Variants in NRG2 observed in about 807,000 individuals in gnomAD.
NRG2 encodes neuregulin 2, also known as pro-neuregulin-2, membrane-bound isoform.
Under a neutral mutation model 73.9 loss-of-function variants are expected in NRG2, and 27 were observed. The observed-to-expected ratio is 0.37, with a 90% CI of 0.27 to 0.50. The LOEUF (loss-of-function observed/expected upper bound fraction) is 0.50, where lower values mean the gene tolerates loss of function less well. Ranked by LOEUF, NRG2 falls within the 20% of genes least tolerant of loss-of-function variation. NRG2 has a pLI of 0.96. For synonymous variants in NRG2, 532 were observed against 541.0 expected, an observed-to-expected ratio of 0.98 and a Z score of 0.23; for missense variants, 1,126 against 1,210.1, an observed-to-expected ratio of 0.93 and a Z score of 1.03.
Position 139,875,881 on chromosome 5 carries a change from T to C in NRG2, c.992-4040A>G, listed in dbSNP as rs145522735. On this transcript the variant is annotated intron_variant, in intron 3 of 9. Coordinates refer to ENST00000361474, the MANE Select transcript of NRG2 (RefSeq NM_004883.3). ...GTGGAGAAATTGGAAGCCGTATGCA[T>C]TGCTGGTGGGAATGTAAAATAGTGT... Among the ~76,000 whole-genome samples, 11 of 152,296 alleles carry C rather than the reference T, an allele frequency of 7.2e-5. No individual in the cohort carries two copies. The East Asian group carries it at 2.1e-3, about 29-fold the overall frequency.
chr5:139,852,397 G>A lies in NRG2; in HGVS notation c.1544+35C>T, dbSNP rs1737873969. The A allele has an allele frequency of 3.1e-6, 5 of 1,606,086 alleles. No homozygotes were observed. The East Asian group carries it at 1.1e-4, about 36-fold the overall frequency. ...ACTTTGCGCCAGATGAAGTATGTGA[G>A]TCTACAAGTTTCCATGGGCCTTGGT... On this transcript the variant is annotated intron_variant, in intron 8 of 9. Transcript: ENST00000361474. This position sits in a 1 kb window ranked among gnomAD's most constrained non-coding sequence, Gnocchi z 4.4.
intron 4 of NRG2, 141 bp downstream of exon 4, chr5:139,871,580 G>T (rs1762851058): frequency 9.3e-7 from 1 of 1,072,318 alleles, no homozygotes; most frequent in Non-Finnish European, 1.4e-6. Context: ...GGGCTAGGAA[G>T]TAGGGCAAAG....
chr5:139,958,317 G>C (rs1029072517), intron 1 of NRG2, among the ~76,000 whole-genome samples: 2 of 152,078 alleles, frequency 1.3e-5, no homozygotes, highest in Admixed American at 6.5e-5. Flanking sequence ...GTGGGAGCTA[G>C]GGCCAGCAAA....
chr5:139,981,196 C>T (rs1277342770), intron 1 of NRG2, among the ~76,000 whole-genome samples: 2 of 152,216 alleles, frequency 1.3e-5, no homozygotes, highest in African/African-American at 2.4e-5. Flanking sequence ...CGATTGCTCA[C>T]ACCCAGCACC....
chr5:140,038,798 G>A (rs988671344), intron 1 of NRG2, among the ~76,000 whole-genome samples: 6 of 152,186 alleles, frequency 3.9e-5, no homozygotes, highest in African/African-American at 1.4e-4. Context: ...TGACATTAGG[G>A]TGGTAATTCA....
At chr5:140,036,165 G>A (rs544036893) in intron 1 of NRG2, among the ~76,000 whole-genome samples, 81 of 152,320 alleles carry the variant, frequency 5.3e-4, no homozygotes, top group African/African-American at 1.9e-3. Flanking sequence ...TACAAAGTGG[G>A]AAGGGAATGT....
chr5:140,009,538 T>A (rs1759186120), intron 1 of NRG2, among the ~76,000 whole-genome samples: 1 of 152,212 alleles, frequency 6.6e-6, no homozygotes, highest in Non-Finnish European at 1.5e-5. Flanking sequence ...TTGCTCGATC[T>A]TACGGTAAGA....
Position 139,856,067 on chromosome 5 carries a change from G to A in NRG2, c.1190-289C>T. 1 of 435,392 alleles carries A rather than the reference G, an allele frequency of 2.3e-6. No individual in the cohort carries two copies. The highest frequency in any genetic ancestry group is 4.2e-6 in the Non-Finnish European group (1 of 236,444). 27.0% of individuals were successfully genotyped at this position (435,392 alleles called of 1,614,324 possible). ...CAGAGCACATGAGTGGAAAATGCAG[G>A]GGAATGGGAAGGGATGGAGTGGAGG... On this transcript the variant is annotated intron_variant, in intron 5 of 9. Transcript: ENST00000361474. The surrounding 1 kb of genome is among the most constrained non-coding windows in gnomAD (Gnocchi z 4.2).
intron 1 of NRG2, among the ~76,000 whole-genome samples, chr5:139,944,661 G>T (rs1753670529): frequency 6.6e-6 from 1 of 151,998 alleles, no homozygotes; most frequent in African/African-American, 2.4e-5. Context: ...CTCATCTATT[G>T]CTCGACCCCT....
At chr5:139,958,227 G>T (rs1338779193) in intron 1 of NRG2, among the ~76,000 whole-genome samples, 1 of 152,108 alleles carries the variant, frequency 6.6e-6, no homozygotes, top group Non-Finnish European at 1.5e-5. Flanking sequence ...TCAAGCAGAA[G>T]ATGTGTTCAC....
In NRG2 at chr5:139,852,709, T is replaced by C; in HGVS notation, c.1417-150A>G. The C allele has an allele frequency of 7.1e-7, 1 of 1,417,626 alleles. No individual in the cohort carries two copies. The allele number at this position is 1,417,626 out of a possible 1,614,324, so 87.8% of individuals were successfully genotyped here. A position where few individuals can be genotyped will look rare whatever the true frequency, so the allele number is the denominator to read the frequency against. ...GACTTGATGTTGGGGCAGCGATGGC[T>C]CCAGCAAATCAACCCCCACCCCTTC... On this transcript the variant is annotated intron_variant, in intron 7 of 9. Coordinates refer to ENST00000361474, the MANE Select transcript of NRG2 (RefSeq NM_004883.3). This position sits in a 1 kb window ranked among gnomAD's most constrained non-coding sequence, Gnocchi z 4.4.
chr5:140,013,521 T>C (rs1759532734), intron 1 of NRG2, among the ~76,000 whole-genome samples: 1 of 152,138 alleles, frequency 6.6e-6, no homozygotes, highest in African/African-American at 2.4e-5. Context: ...GTTAAAATGG[T>C]AAACTTTATA....
intron 1 of NRG2, among the ~76,000 whole-genome samples, chr5:139,891,999 C>T (rs1412073352): frequency 2.6e-5 from 4 of 152,212 alleles, no homozygotes; most frequent in African/African-American, 7.2e-5. Flanking sequence ...AACGGTTCCT[C>T]GGAATCATCT....
Position 139,880,884 on chromosome 5 carries a change from G to C in NRG2, c.963C>G (p.Thr321=). The change falls in exon 3 of 10, where the codon ACC becomes ACG. Residue 321 remains threonine, a synonymous_variant. Transcript: ENST00000361474. ...TGTTGACGTAAAGCCGGCCCCGGAC[G>C]GTGTCCTTCCCCAGGATGTTCTCGG... is the stretch of plus-strand genomic sequence containing the variant. ...CEAENILGKD[T]VRGRLYVNSV... is the part of the protein sequence containing the mutation. The C allele has an allele frequency of 1.2e-6, 2 of 1,614,078 alleles. No homozygotes were observed. The highest frequency in any genetic ancestry group is 1.3e-5 in the African/African-American group (1 of 75,034).
intron 1 of NRG2, among the ~76,000 whole-genome samples, chr5:139,920,959 G>A (rs1751615435): frequency 1.3e-5 from 2 of 152,170 alleles, no homozygotes; most frequent in Non-Finnish European, 2.9e-5. Context: ...TATTAGCAAT[G>A]AGTGAGTGAA....
chr5:139,875,792 G>A (rs149687565), intron 3 of NRG2, among the ~76,000 whole-genome samples: 9 of 152,290 alleles, frequency 5.9e-5, no homozygotes, highest in African/African-American at 1.9e-4. Flanking sequence ...CACACTCTGA[G>A]ATACCACTTT....
intron 1 of NRG2, among the ~76,000 whole-genome samples, chr5:140,012,013 C>G (rs1759405407): frequency 6.6e-6 from 1 of 152,172 alleles, no homozygotes; most frequent in South Asian, 2.1e-4. Context: ...TGATCCAATT[C>G]AGCTCACCTT....
intron 1 of NRG2, among the ~76,000 whole-genome samples, chr5:139,908,933 G>T (rs1765421259): frequency 6.6e-6 from 1 of 152,222 alleles, no homozygotes; most frequent in South Asian, 2.1e-4. Flanking sequence ...CTCTGGCCTG[G>T]ACCAGGGCTC....
At chr5:140,015,722 G>A (rs948202113) in intron 1 of NRG2, among the ~76,000 whole-genome samples, 1 of 152,208 alleles carries the variant, frequency 6.6e-6, no homozygotes, top group Non-Finnish European at 1.5e-5. Context: ...AATGGAGGAA[G>A]GGATGCCTCA....
Sources: allele counts gnomAD v4.1 joint callset (sites outside exome capture counted in the v4.1 genomes callset), GRCh38; gene constraint gnomAD v4.1.1; non-coding constraint Gnocchi (gnomAD v3.1); transcripts MANE v1.5; gene names NCBI Gene and HGNC (gene_info 2026-07-23, HGNC 2026-07-21).